IGF2BP1: variants seen among roughly 807,000 people sequenced by gnomAD.
IGF2BP1 encodes the protein insulin-like growth factor 2 mRNA-binding protein 1.
Under a neutral mutation model 74.9 loss-of-function variants are expected in IGF2BP1, and 11 were observed. The ratio of observed to expected loss-of-function variants is 0.15; its 90% CI spans 0.09 to 0.24. The LOEUF (loss-of-function observed/expected upper bound fraction) is 0.24. IGF2BP1 is among the 10% of genes least tolerant of loss of function. The probability of loss-of-function intolerance (pLI) is 1.00; values close to 1 mark genes in which losing one functional copy is unlikely to be tolerated. For synonymous variants in IGF2BP1, 287 were observed against 281.8 expected (o/e 1.02, Z -0.18); for missense variants, 440 against 757.4 (o/e 0.58, Z 4.92).
intron 1 of IGF2BP1, 93 bp downstream of exon 1, chr17:48,998,013 C>T (rs903894343): frequency 1.7e-5 from 25 of 1,433,858 alleles, no homozygotes; most frequent in Non-Finnish European, 2.2e-5. Flanking sequence ...CAACTCCTCT[C>T]TTCCCGGGCC....
chr17:49,049,681 G>C lies in IGF2BP1; in HGVS notation c.*237G>C, dbSNP rs1187362080. 1 of 481,358 alleles carries C rather than the reference G, an allele frequency of 2.1e-6. No individual in the cohort carries two copies. Among genetic ancestry groups the C allele is most frequent in the African/African-American group, 2.0e-5 (1 of 50,638 alleles). The allele number at this position is 481,358 out of a possible 1,614,324, so 29.8% of individuals were successfully genotyped here. A position where few individuals can be genotyped will look rare whatever the true frequency, so the allele number is the denominator to read the frequency against. Reference sequence around the variant, plus strand: ...CCCTCGGGGTGTCAGAAATTCTAGCGCAAGGCACTTTTAAACGTGGATTGT... The same window carrying C: ...CCCTCGGGGTGTCAGAAATTCTAGCCCAAGGCACTTTTAAACGTGGATTGT... On this transcript the variant is annotated 3_prime_UTR_variant, in exon 15 of 15. Transcript: ENST00000290341.
chr17:49,026,944 C>T (rs139575187), intron 4 of IGF2BP1, among the ~76,000 whole-genome samples: 1,781 of 152,268 alleles, frequency 0.012, 44 homozygotes, highest in African/African-American at 0.04. Flanking sequence ...CGTTTCACCA[C>T]GTTGGCCAGG....
chr17:48,996,934 T>G (rs1484927163), upstream of IGF2BP1, among the ~76,000 whole-genome samples: 1 of 151,888 alleles, frequency 6.6e-6, no homozygotes, highest in Non-Finnish European at 1.5e-5. Flanking sequence ...CGTGCGACCC[T>G]CTCCTGAAGA....
chr17:48,998,777 G>T (rs1213402104), intron 1 of IGF2BP1, among the ~76,000 whole-genome samples: 6 of 152,192 alleles, frequency 3.9e-5, no homozygotes, highest in African/African-American at 1.4e-4. Context: ...TTTCTTTCCT[G>T]GCTCCTTCCC....
At chr17:49,025,944 C>T (rs540615492) in intron 3 of IGF2BP1, among the ~76,000 whole-genome samples, 3 of 150,852 alleles carry the variant, frequency 2.0e-5, no homozygotes, top group African/African-American at 7.4e-5. Context: ...CATCCTCTTC[C>T]TCCTGAGTTC....
intron 4 of IGF2BP1, among the ~76,000 whole-genome samples, chr17:49,030,623 C>CTT (rs1284533394): frequency 2.1e-5 from 3 of 145,338 alleles, no homozygotes; most frequent in Non-Finnish European, 1.5e-5. Context: ...ACTAGTTGAA[C>CTT]TTTTTTTTTT....
chr17:48,997,694 G>GCCCGCT lies in IGF2BP1; in HGVS notation c.-50_-45dup. 6.3e-7 allele frequency: 1 copy of GCCCGCT among 1,579,384 alleles called. No individual in the cohort carries two copies. Among genetic ancestry groups the GCCCGCT allele is most frequent in the Non-Finnish European group, 8.6e-7 (1 of 1,160,794 alleles). On this transcript the variant is annotated 5_prime_UTR_variant, in exon 1 of 15. Transcript: ENST00000290341. The surrounding 1 kb of genome is among the most constrained non-coding windows in gnomAD (Gnocchi z 4.8). Reference sequence around the variant, plus strand: ...TTGGCCTAGGAGGCTCGCCGCCCGCGCCCGCTCGTTCGGCCTTGCCCGGGA... The same window carrying GCCCGCT: ...TTGGCCTAGGAGGCTCGCCGCCCGCGCCCGCTCCCGCTCGTTCGGCCTTGCCCGGGA...
At chr17:49,003,841 T>A (rs1438702700) in intron 2 of IGF2BP1, among the ~76,000 whole-genome samples, 2 of 151,754 alleles carry the variant, frequency 1.3e-5, no homozygotes, top group African/African-American at 4.8e-5. Flanking sequence ...CCCGCTTCCC[T>A]TTTAAAGGGG....
chr17:49,042,423 G>A (rs11650845), intron 9 of IGF2BP1, 46 bp downstream of exon 9: 1 of 1,611,564 alleles, frequency 6.2e-7, no homozygotes, highest in East Asian at 2.2e-5. Context: ...CTGAGTCTTA[G>A]CAACAGCAGC....
At chr17:49,011,945 T>C (rs934787138) in intron 2 of IGF2BP1, among the ~76,000 whole-genome samples, 3 of 150,476 alleles carry the variant, frequency 2.0e-5, no homozygotes, top group Admixed American at 1.3e-4. Context: ...TCTTGCTTTG[T>C]CACCCAGGCT....
intron 2 of IGF2BP1, chr17:49,013,920 G>T (rs1021190530): frequency 1.3e-5 from 2 of 152,488 alleles, no homozygotes; most frequent in Non-Finnish European, 2.9e-5. Context: ...TCGAGACCGT[G>T]CGGAGCCCTG....
chr17:49,039,499 C>T (rs768162552), intron 6 of IGF2BP1, among the ~76,000 whole-genome samples: 2 of 151,978 alleles, frequency 1.3e-5, no homozygotes, highest in Non-Finnish European at 1.5e-5. Context: ...GTGATCTCAG[C>T]TCACTGCAGC....
chr17:49,040,815 T>C (rs1046477451), intron 7 of IGF2BP1, among the ~76,000 whole-genome samples: 33 of 152,252 alleles, frequency 2.2e-4, no homozygotes, highest in African/African-American at 4.8e-5. Context: ...TATTTCTTGA[T>C]GGGTGTTTAA....
chr17:49,031,986 G>A lies in IGF2BP1; in HGVS notation c.401+13G>A, dbSNP rs1324817917. The A allele has an allele frequency of 1.2e-5, 19 of 1,607,066 alleles. No individual in the cohort carries two copies. The East Asian group carries it at 4.2e-4, about 36-fold the overall frequency. On this transcript the variant is annotated intron_variant, in intron 5 of 14. Transcript: ENST00000290341. The stretch of plus-strand genomic sequence containing the variant: ...AGCAGACCAGGCAGTGAGTGGGCTG[G>A]GAAGTGGGGCTGGGTGCGGTGGGGG...
At chr17:49,047,748 C>T (rs935369085) in intron 14 of IGF2BP1, among the ~76,000 whole-genome samples, 21 of 148,452 alleles carry the variant, frequency 1.4e-4, no homozygotes, top group Middle Eastern at 3.6e-3. Flanking sequence ...GGGTCTCGCT[C>T]TGCCATCCAG....
In IGF2BP1 at chr17:49,038,319, G is replaced by A; in HGVS notation, c.553G>A (p.Ala185Thr). The change falls in exon 6 of 15, where the codon GCG becomes ACG. Residue 185 changes from alanine (A) to threonine (T), a missense_variant. Ala to Thr is a moderately conservative substitution (Grantham distance 58). Coordinates refer to ENST00000290341, the MANE Select transcript of IGF2BP1 (RefSeq NM_006546.4). The stretch of plus-strand genomic sequence containing the variant: ...GCCCCGCCAGGGCTCACCTGTGGCA[G>A]CGGGGGCCCCAGCCAAGCAGCAGCA... ...GQPRQGSPVAAGAPAKQQQVD... is the reference protein window; with the variant it reads ...GQPRQGSPVATGAPAKQQQVD... The A allele has an allele frequency of 6.2e-7, 1 of 1,606,238 alleles. No individual in the cohort carries two copies. Among genetic ancestry groups the A allele is most frequent in the Non-Finnish European group, 8.5e-7 (1 of 1,176,656 alleles).
At chr17:49,015,032 G>A (rs1460443963) in intron 2 of IGF2BP1, 3 of 700,692 alleles carry the variant, frequency 4.3e-6, no homozygotes, top group Non-Finnish European at 5.3e-6. Flanking sequence ...GTGCCTGAGC[G>A]TGTGTCCTGT....
intron 2 of IGF2BP1, among the ~76,000 whole-genome samples, chr17:49,025,004 CA>C (rs1163051070): frequency 6.6e-6 from 1 of 151,998 alleles, no homozygotes; most frequent in Non-Finnish European, 1.5e-5. Flanking sequence ...CCAGCCTGAC[CA>C]ATATGGTGAA....
intron 4 of IGF2BP1, among the ~76,000 whole-genome samples, chr17:49,027,057 T>TGATCAAATGTA (rs1380117674): frequency 6.6e-6 from 1 of 152,176 alleles, no homozygotes; most frequent in Non-Finnish European, 1.5e-5. Context: ...TCACTTTCTG[T>TGATCAAATGTA]GATCAAATCT....
Sources: gnomAD v4.1 joint callset for allele counts (sites outside exome capture counted in the v4.1 genomes callset) on GRCh38, gnomAD v4.1.1 for gene constraint, Gnocchi (gnomAD v3.1) non-coding constraint, MANE v1.5 for transcripts, NCBI Gene and HGNC (gene_info 2026-07-23, HGNC 2026-07-21) for gene names.